The following CACNG8 variants were observed in gnomAD, a reference collection of about 807,000 sequenced individuals.
CACNG8 encodes calcium voltage-gated channel auxiliary subunit gamma 8.
CACNG8 carries 5 observed loss-of-function variants against 26.9 expected under a neutral mutation model. The observed-to-expected ratio is 0.19, with a 90% CI of 0.10 to 0.39. CACNG8 has a LOEUF of 0.39. Among genes scored for constraint, CACNG8 ranks in the 10% least tolerant of loss-of-function variants. CACNG8 has a pLI of 1.00. For missense variants in CACNG8, 473 were observed against 609.4 expected, an observed-to-expected ratio of 0.78 and a Z score of 2.36; for synonymous variants, 321 against 296.7, an observed-to-expected ratio of 1.08 and a Z score of -0.84.
At chr19:53,971,289 C>T (rs1442212112) in intron 1 of CACNG8, among the ~76,000 whole-genome samples, 1 of 95,964 alleles carries the variant, frequency 1.0e-5, no homozygotes, top group Admixed American at 1.0e-4. Context: ...GAGGCCCTGT[C>T]TCAAAAAAAA....
chr19:53,965,393 C>T (rs972843483), intron 1 of CACNG8, among the ~76,000 whole-genome samples: 4 of 152,062 alleles, frequency 2.6e-5, no homozygotes, highest in African/African-American at 9.7e-5. Flanking sequence ...TGCTCCGTCT[C>T]GCCTCCCATT....
intron 1 of CACNG8, among the ~76,000 whole-genome samples, chr19:53,977,644 C>T (rs962563578): frequency 6.6e-6 from 1 of 152,218 alleles, no homozygotes; most frequent in Admixed American, 6.5e-5. Context: ...GGCTGCTCTT[C>T]TCACAACTGG....
At chr19:53,978,025 T>G in intron 1 of CACNG8, 121 bp from the exon 2 acceptor site, 1 of 639,798 alleles carries the variant, frequency 1.6e-6, no homozygotes, top group South Asian at 1.9e-5. Context: ...GGACTTGCGG[T>G]CTCCCAAGCA....
rs2069422922 is a variant in CACNG8, at chr19:53,988,835, A to G, written c.*5986A>G. The G allele has an allele frequency of 6.6e-6, 1 of 152,316 alleles. No homozygotes were observed. The allele number at this position is 152,316 out of a possible 1,614,324, so 9.4% of individuals were successfully genotyped here. On this transcript the variant is annotated 3_prime_UTR_variant, in exon 4 of 4. Transcript: ENST00000270458. ...TCCCCTAGCCAGGGATGCTCTGCCC[A>G]GCTCCTGTCTCTTGCTGCTGTCAGC...
In CACNG8 at chr19:53,982,069, T is replaced by A; in HGVS notation, c.509-11T>A. 1 of 1,548,624 alleles carries A rather than the reference T, an allele frequency of 6.5e-7. No individual in the cohort carries two copies. The highest frequency in any genetic ancestry group is 8.7e-7 in the Non-Finnish European group (1 of 1,148,784). On this transcript the variant is annotated splice_polypyrimidine_tract_variant and intron_variant, in intron 3 of 3. Coordinates refer to ENST00000270458, the MANE Select transcript of CACNG8 (RefSeq NM_031895.6). The surrounding 1 kb of genome is among the most constrained non-coding windows in gnomAD (Gnocchi z 8.4). ...TGGCCTCGAGGCTCCCGTCTGACCG[T>A]CCCCGCCCAGGCCTGAGCAACATCA...
intron 1 of CACNG8, among the ~76,000 whole-genome samples, chr19:53,975,774 A>T (rs2069327388): frequency 6.6e-6 from 1 of 152,228 alleles, no homozygotes; most frequent in South Asian, 2.1e-4. Flanking sequence ...AACAGCCCAG[A>T]TGCTCACATT....
At chr19:53,979,312 G>A (rs1187642257) in intron 2 of CACNG8, among the ~76,000 whole-genome samples, 1 of 151,500 alleles carries the variant, frequency 6.6e-6, no homozygotes, top group Non-Finnish European at 1.5e-5. Context: ...GTGGGGTGGG[G>A]GCGTGAGGAG....
In CACNG8 at chr19:53,982,984, A is replaced by ACCCGCCCCGCCC; in HGVS notation, c.*138_*139insGCCCCGCCCCCC. ...AGACTGCTGGGCCCGCCCCACGCCCACCCTCCCCGCCCCCCTCCCCCTCCG... is the reference window on the plus strand; with the variant it reads ...AGACTGCTGGGCCCGCCCCACGCCCACCCGCCCCGCCCCCCTCCCCGCCCCCCTCCCCCTCCG... On this transcript the variant is annotated 3_prime_UTR_variant, in exon 4 of 4. Coordinates refer to ENST00000270458, the MANE Select transcript of CACNG8 (RefSeq NM_031895.6). This position sits in a 1 kb window ranked among gnomAD's most constrained non-coding sequence, Gnocchi z 8.4. 1 of 428,650 alleles carries ACCCGCCCCGCCC rather than the reference A, an allele frequency of 2.3e-6. No homozygotes were observed. The highest frequency in any genetic ancestry group is 7.9e-4 in the Middle Eastern group (1 of 1,266). 26.6% of individuals were successfully genotyped at this position (428,650 alleles called of 1,614,324 possible).
chr19:53,963,180 T>C lies in CACNG8; in HGVS notation c.38T>C (p.Leu13Pro). 1 of 1,578,196 alleles carries C rather than the reference T, an allele frequency of 6.3e-7. No homozygotes were observed. Among genetic ancestry groups the C allele is most frequent in the Non-Finnish European group, 8.6e-7 (1 of 1,164,616 alleles). The change falls in exon 1 of 4, where the codon CTC becomes CCC. Residue 13 changes from leucine (L) to proline (P), a missense_variant. Transcript: ENST00000270458. ...AAGCGCTGGAACGAAGAGCGGGGCC[T>C]CTGGTGCGAGAAGGGGGTGCAGGTG...
At chr19:53,968,490 C>A in intron 1 of CACNG8, among the ~76,000 whole-genome samples, 1 of 151,656 alleles carries the variant, frequency 6.6e-6, no homozygotes, top group Non-Finnish European at 1.5e-5. Flanking sequence ...AGGGAGATGG[C>A]CGGGCGCGGT....
chr19:53,963,348 G>A lies in CACNG8; in HGVS notation c.206G>A (p.Gly69Glu). The A allele has an allele frequency of 6.3e-7, 1 of 1,594,806 alleles. No homozygotes were observed. Among genetic ancestry groups the A allele is most frequent in the Non-Finnish European group, 8.5e-7 (1 of 1,175,666 alleles). ...GGCGACGACGGGACCCCCCACCGCG[G>A]GGGCGGCGGCGCCTCGGAGAAGAAG... is the stretch of plus-strand genomic sequence containing the variant. The change falls in exon 1 of 4, where the codon GGG becomes GAG. Residue 69 changes from glycine to glutamate, a missense_variant. By Grantham distance (98) the Gly-to-Glu change is moderately conservative. Transcript: ENST00000270458.
At chr19:53,963,561 T>A in intron 1 of CACNG8, 136 bp downstream of exon 1, 1 of 855,848 alleles carries the variant, frequency 1.2e-6, no homozygotes, top group Non-Finnish European at 1.7e-6. Flanking sequence ...CTTCTGCGCC[T>A]TCCCACTCGC....
At chr19:53,967,196 C>A (rs747095945) in intron 1 of CACNG8, among the ~76,000 whole-genome samples, 1 of 152,118 alleles carries the variant, frequency 6.6e-6, no homozygotes, top group Admixed American at 6.6e-5. Flanking sequence ...GGGATAAAAT[C>A]GCCCTGAGTT....
rs1333929115 is a variant in CACNG8, at chr19:53,990,170, G to C, written c.*7321G>C. ...CTCCTGGGGGAGCTGAAACTGCATG[G>C]AAGGTCCCCCAGGGGTGCCCCGTCT... On this transcript the variant is annotated 3_prime_UTR_variant, in exon 4 of 4. Transcript: ENST00000270458. 1 of 152,708 alleles carries C rather than the reference G, an allele frequency of 6.5e-6. No individual in the cohort carries two copies. The highest frequency in any genetic ancestry group is 1.9e-4 in the East Asian group (1 of 5,194). 9.5% of individuals were successfully genotyped at this position (152,708 alleles called of 1,614,324 possible).
At chr19:53,973,072 C>T (rs2069311828) in intron 1 of CACNG8, among the ~76,000 whole-genome samples, 1 of 152,210 alleles carries the variant, frequency 6.6e-6, no homozygotes, top group Non-Finnish European at 1.5e-5. Context: ...ATGCTTGGAG[C>T]AGTACCTGGT....
chr19:53,964,318 G>A (rs1167151423), intron 1 of CACNG8, among the ~76,000 whole-genome samples: 6 of 150,206 alleles, frequency 4.0e-5, no homozygotes, highest in Admixed American at 2.7e-4. Flanking sequence ...CTGAAACTTC[G>A]TGCCTTAACT....
chr19:53,971,217 G>A (rs1037619967), intron 1 of CACNG8, among the ~76,000 whole-genome samples: 5 of 150,972 alleles, frequency 3.3e-5, no homozygotes, highest in Admixed American at 2.0e-4. Context: ...GCTTGAACTC[G>A]GGAGGTGGAG....
Position 53,989,596 on chromosome 19 carries a change from C to CACCT in CACNG8, c.*6748_*6749insCCTA, listed in dbSNP as rs2069428459. On this transcript the variant is annotated 3_prime_UTR_variant, in exon 4 of 4. Transcript: ENST00000270458. ...CCATCTCTGCCTTCAGAGGGGGGGACAGGTAGTCCAGACAATTAGAATACA... is the reference window on the plus strand; with the variant it reads ...CCATCTCTGCCTTCAGAGGGGGGGACACCTAGGTAGTCCAGACAATTAGAATACA... 1 of 152,222 alleles carries CACCT rather than the reference C, an allele frequency of 6.6e-6. No individual in the cohort carries two copies. 9.4% of individuals were successfully genotyped at this position (152,222 alleles called of 1,614,324 possible). A position where few individuals can be genotyped will look rare whatever the true frequency, so the allele number is the denominator to read the frequency against.
At chr19:53,971,136 A>AT (rs537662633) in intron 1 of CACNG8, among the ~76,000 whole-genome samples, 3,095 of 151,774 alleles carry the variant, frequency 0.02, 60 homozygotes, top group Non-Finnish European at 0.028. Flanking sequence ...TACTAAAAAA[A>AT]CAAAATTTAG....
Sources: gnomAD v4.1 joint callset for allele counts (sites outside exome capture counted in the v4.1 genomes callset) on GRCh38, gnomAD v4.1.1 for gene constraint, Gnocchi (gnomAD v3.1) non-coding constraint, MANE v1.5 for transcripts, NCBI Gene and HGNC (gene_info 2026-07-23, HGNC 2026-07-21) for gene names.